Variants in PCDHGA2 observed in about 807,000 individuals in gnomAD.
PCDHGA2 encodes the protein protocadherin gamma subfamily A, 2.
In PCDHGA2, 40 loss-of-function variants were observed where a neutral mutation model predicts 59.2. The ratio of observed to expected loss-of-function variants is 0.68; its 90% CI spans 0.52 to 0.88. The LOEUF (loss-of-function observed/expected upper bound fraction) is 0.88, where lower values mean the gene tolerates loss of function less well. Among genes scored for constraint, PCDHGA2 ranks in the 40% least tolerant of loss-of-function variants. PCDHGA2 has a pLI of 0.00. For synonymous variants in PCDHGA2, 560 were observed against 526.0 expected (o/e 1.06, Z -0.89); for missense variants, 1,226 against 1,204.0 (o/e 1.02, Z -0.27).
chr5:141,384,958 T>C, intron 1 of PCDHGA2: 1 of 1,613,954 alleles, frequency 6.2e-7, no homozygotes, highest in Non-Finnish European at 8.5e-7. Flanking sequence ...TCCTTACAAC[T>C]ATGACCTCAC....
At chr5:141,376,381 T>C (rs1588802356) in intron 1 of PCDHGA2, 13 of 1,613,972 alleles carry the variant, frequency 8.1e-6, no homozygotes, top group Middle Eastern at 1.7e-4. Context: ...CGCGTAAGAG[T>C]CATCTGATTT....
At chr5:141,404,333 C>G (rs181615917) in intron 1 of PCDHGA2, 10 of 1,613,736 alleles carry the variant, frequency 6.2e-6, no homozygotes, top group Non-Finnish European at 8.5e-6. Flanking sequence ...CTCAGTCTAC[C>G]TCCCGGAAAA....
In PCDHGA2 at chr5:141,340,767, G is replaced by C. The variant is rs200303682; in HGVS notation, c.1796G>C (p.Gly599Ala). Reference protein sequence around the residue: ...TKVVAVDRDSGQNAWLSYHLL... With the variant: ...TKVVAVDRDSAQNAWLSYHLL... Reference sequence around the variant, plus strand: ...GTGGTGGCGGTGGACAGAGACTCGGGCCAGAACGCCTGGCTGTCTTACCAC... The same window carrying C: ...GTGGTGGCGGTGGACAGAGACTCGGCCCAGAACGCCTGGCTGTCTTACCAC... The change falls in exon 1 of 4, where the codon GGC becomes GCC. Residue 599 changes from glycine to alanine, a missense_variant. By Grantham distance (60) the Gly-to-Ala change is moderately conservative. Coordinates refer to ENST00000394576, the MANE Select transcript of PCDHGA2 (RefSeq NM_018915.4). 4 of 1,613,288 alleles carry C rather than the reference G, an allele frequency of 2.5e-6. No individual in the cohort carries two copies. The South Asian group carries it at 4.4e-5, about 18-fold the overall frequency.
chr5:141,449,932 A>T (rs1275797555), intron 1 of PCDHGA2, among the ~76,000 whole-genome samples: 6 of 151,660 alleles, frequency 4.0e-5, no homozygotes, highest in Non-Finnish European at 5.9e-5. Flanking sequence ...CATACCTTAT[A>T]GTATATTTTA....
chr5:141,382,126 C>G (rs1360934225), intron 1 of PCDHGA2, among the ~76,000 whole-genome samples: 1 of 151,958 alleles, frequency 6.6e-6, no homozygotes, highest in African/African-American at 2.4e-5. Context: ...CAGCACCTGG[C>G]CCCCCCTCTC....
chr5:141,339,518 C>G lies in PCDHGA2; in HGVS notation c.547C>G (p.Arg183Gly). ...AAATGACCACTTCTCCCTGGACGTGCGAAGGGGAGCTGATGGGAACAAGTA... is the reference window on the plus strand; with the variant it reads ...AAATGACCACTTCTCCCTGGACGTGGGAAGGGGAGCTGATGGGAACAAGTA... ...NPNDHFSLDV[R>G]RGADGNKYPE... The change falls in exon 1 of 4, where the codon CGA becomes GGA. Residue 183 changes from arginine (R) to glycine (G), a missense_variant. Physicochemically the swap from Arg to Gly is moderately radical, Grantham distance 125. Transcript: ENST00000394576. The G allele has an allele frequency of 6.2e-7, 1 of 1,614,084 alleles. No homozygotes were observed. The highest frequency in any genetic ancestry group is 8.5e-7 in the Non-Finnish European group (1 of 1,180,020).
intron 1 of PCDHGA2, chr5:141,392,953 A>T: frequency 6.2e-7 from 1 of 1,613,924 alleles, no homozygotes; most frequent in Non-Finnish European, 8.5e-7. Context: ...TTCGTGGGTA[A>T]TATCTCCAAG....
At chr5:141,376,187 T>C in intron 1 of PCDHGA2, 3 of 1,614,148 alleles carry the variant, frequency 1.9e-6, no homozygotes, top group Non-Finnish European at 2.5e-6. Flanking sequence ...CGCGGTCTCC[T>C]GCGTCTTCCT....
intron 1 of PCDHGA2, chr5:141,372,843 T>C (rs1344316065): frequency 6.6e-7 from 1 of 1,510,382 alleles, no homozygotes; most frequent in East Asian, 2.3e-5. Flanking sequence ...TCCATAAATA[T>C]AATTGGGTTT....
chr5:141,499,104 C>A (rs2099789508), intron 2 of PCDHGA2, among the ~76,000 whole-genome samples: 1 of 152,120 alleles, frequency 6.6e-6, no homozygotes, highest in African/African-American at 2.4e-5. Flanking sequence ...CTTCTCCTCC[C>A]CACCACTATC....
chr5:141,340,485 T>G lies in PCDHGA2; in HGVS notation c.1514T>G (p.Ile505Ser). Reference protein sequence around the residue: ...TVQGAPLSSYISINSDTGVLY... With the variant: ...TVQGAPLSSYSSINSDTGVLY... ...CAGGGGGCACCCTTATCCTCTTACA[T>G]CTCTATCAACTCCGACACTGGAGTA... The change falls in exon 1 of 4, where the codon ATC becomes AGC. Residue 505 changes from isoleucine (I) to serine (S), a missense_variant. By Grantham distance (142) the Ile-to-Ser change is moderately radical. Transcript: ENST00000394576. 1 of 1,614,154 alleles carries G rather than the reference T, an allele frequency of 6.2e-7. No homozygotes were observed. The highest frequency in any genetic ancestry group is 8.5e-7 in the Non-Finnish European group (1 of 1,180,024).
At chr5:141,375,093 T>A (rs1394979484) in intron 1 of PCDHGA2, 1 of 1,613,962 alleles carries the variant, frequency 6.2e-7, no homozygotes, top group South Asian at 1.1e-5. Context: ...TTAATAACTA[T>A]CTTGGATGTC....
Position 141,431,883 on chromosome 5 carries a change from A to T in PCDHGA2, c.2425-62924A>T, listed in dbSNP as rs748968989. 6.8e-6 allele frequency: 11 copies of T among 1,614,118 alleles called. No individual in the cohort carries two copies. The highest frequency in any genetic ancestry group is 1.1e-5 in the South Asian group (1 of 91,084). On this transcript the variant is annotated intron_variant, in intron 1 of 3. Transcript: ENST00000394576. The surrounding 1 kb of genome is among the most constrained non-coding windows in gnomAD (Gnocchi z 4.8). ...GCCCTTTTAAATGTAAATGACCAAG[A>T]TTCTGAGGAAAACGGACAGGTGATC...
chr5:141,462,824 A>T (rs1561993844), intron 1 of PCDHGA2, among the ~76,000 whole-genome samples: 1 of 152,158 alleles, frequency 6.6e-6, no homozygotes, highest in Non-Finnish European at 1.5e-5. Flanking sequence ...TGGACAGCAG[A>T]CATTGTAAAT....
chr5:141,388,729 G>T (rs1407038729), intron 1 of PCDHGA2: 10 of 1,614,012 alleles, frequency 6.2e-6, no homozygotes, highest in Non-Finnish European at 8.5e-6. Context: ...TTCTCTTTCA[G>T]TGAAGCTAGC....
rs1049654933 is a variant in PCDHGA2 at position 141,497,808 on chromosome 5, A to G, written c.2483+2943A>G. 2.6e-5 allele frequency among the ~76,000 whole-genome samples: 4 copies of G among 152,282 alleles called. No homozygotes were observed. The East Asian group carries it at 7.7e-4, about 29-fold the overall frequency. Reference sequence around the variant, plus strand: ...ACCTGCTTCAGCTTCCCAAAGTGCTAGAATTACAGGTGTGATCGCCCCCGG... The same window carrying G: ...ACCTGCTTCAGCTTCCCAAAGTGCTGGAATTACAGGTGTGATCGCCCCCGG... On this transcript the variant is annotated intron_variant, in intron 2 of 3. Coordinates refer to ENST00000394576, the MANE Select transcript of PCDHGA2 (RefSeq NM_018915.4).
Position 141,511,107 on chromosome 5 carries a change from G to A in PCDHGA2, c.2733G>A (p.Arg911=), listed in dbSNP as rs2099883608. 1 of 1,614,220 alleles carries A rather than the reference G, an allele frequency of 6.2e-7. No homozygotes were observed. Among genetic ancestry groups the A allele is most frequent in the Non-Finnish European group, 8.5e-7 (1 of 1,180,020 alleles). Residue 911 remains arginine, a synonymous_variant, in exon 4 of 4, where the codon CGG becomes CGA. Coordinates refer to ENST00000394576, the MANE Select transcript of PCDHGA2 (RefSeq NM_018915.4). Reference sequence around the variant, plus strand: ...CACTGACCAACGCAGCTGGCAAGCGGGATGGCAAGGCCCCAGCAGGTGGCA... The same window carrying A: ...CACTGACCAACGCAGCTGGCAAGCGAGATGGCAAGGCCCCAGCAGGTGGCA... The part of the protein sequence containing the change: ...NATLTNAAGK[R]DGKAPAGGNG...
rs780664832 is a variant in PCDHGA2 at position 141,422,982 on chromosome 5, T to C, written c.2425-71825T>C. On this transcript the variant is annotated intron_variant, in intron 1 of 3. Coordinates refer to ENST00000394576, the MANE Select transcript of PCDHGA2 (RefSeq NM_018915.4). ...AGCTGGCGCCCCGCTCTGCGGAACC[T>C]GGCTACCTGGTGACCAAGGTGGTTG... 2.5e-6 allele frequency: 4 copies of C among 1,614,206 alleles called. No individual in the cohort carries two copies. The South Asian group carries it at 4.4e-5, about 18-fold the overall frequency.
intron 1 of PCDHGA2, among the ~76,000 whole-genome samples, chr5:141,473,185 G>A (rs1171761852): frequency 1.3e-5 from 2 of 152,188 alleles, no homozygotes; most frequent in Non-Finnish European, 2.9e-5. Flanking sequence ...ACTTGAAGGA[G>A]TAAATGTATC....
Sources: allele counts gnomAD v4.1 joint callset (sites outside exome capture counted in the v4.1 genomes callset), GRCh38; gene constraint gnomAD v4.1.1; non-coding constraint Gnocchi (gnomAD v3.1); transcripts MANE v1.5; gene names NCBI Gene and HGNC (gene_info 2026-07-23, HGNC 2026-07-21).